CWF19L1: variants seen among roughly 807,000 people sequenced by gnomAD.
The protein encoded by CWF19L1 is CWF19 like cell cycle control factor 1.
In CWF19L1, 60 loss-of-function variants were observed where a neutral mutation model predicts 69.7. The observed-to-expected ratio is 0.86, with a 90% CI of 0.70 to 1.07. CWF19L1 has a LOEUF of 1.07. Among genes scored for constraint, CWF19L1 ranks in the 50% least tolerant of loss-of-function variants. The pLI is 0.00. For synonymous variants in CWF19L1, 209 were observed against 222.2 expected (o/e 0.94, Z 0.53); for missense variants, 591 against 638.9 (o/e 0.92, Z 0.81).
At chr10:100,253,310 GTAA>G (rs2134306912) in intron 6 of CWF19L1, 108 bp downstream of exon 6, 1 of 660,478 alleles carries the variant, frequency 1.5e-6, no homozygotes, top group Admixed American at 2.5e-5. Flanking sequence ...CAGTGTCTGA[GTAA>G]CCAAATGGAA....
intron 12 of CWF19L1, among the ~76,000 whole-genome samples, 156 bp downstream of exon 12, chr10:100,236,694 C>T (rs1449725577): frequency 2.0e-5 from 3 of 152,164 alleles, no homozygotes; most frequent in Admixed American, 6.5e-5. Context: ...CACTTGAACC[C>T]GGAAGGCGGA....
chr10:100,237,232 A>G, intron 11 of CWF19L1: 1 of 654,410 alleles, frequency 1.5e-6, no homozygotes, highest in Non-Finnish European at 2.9e-6. Context: ...CATCTCCGAT[A>G]TTATATATGT....
intron 1 of CWF19L1, among the ~76,000 whole-genome samples, chr10:100,266,863 GTT>G (rs1847610897): frequency 6.9e-6 from 1 of 145,670 alleles, no homozygotes; most frequent in African/African-American, 2.6e-5. Flanking sequence ...GTTTTGTTTT[GTT>G]TTGAGAGTCT....
intron 1 of CWF19L1, among the ~76,000 whole-genome samples, chr10:100,266,009 T>C (rs1847568463): frequency 6.6e-6 from 1 of 152,230 alleles, no homozygotes; most frequent in African/African-American, 2.4e-5. Flanking sequence ...CGAAATCGCC[T>C]ACCAACTCAT....
chr10:100,253,374 C>A (rs1282640082), intron 6 of CWF19L1, 47 bp downstream of exon 6: 3 of 1,117,320 alleles, frequency 2.7e-6, no homozygotes, highest in Non-Finnish European at 4.1e-6. Context: ...TACAGAAGAT[C>A]CATGGCAAAT....
chr10:100,237,991 C>T (rs1846503369), intron 11 of CWF19L1, 31 bp downstream of exon 11: 4 of 1,597,538 alleles, frequency 2.5e-6, no homozygotes, highest in East Asian at 4.5e-5. Flanking sequence ...CCCATAGCGC[C>T]CTTCCAAGTT....
chr10:100,237,015 G>A (rs1302434944), intron 11 of CWF19L1, 46 bp from the exon 12 acceptor site: 9 of 1,542,548 alleles, frequency 5.8e-6, no homozygotes, highest in Non-Finnish European at 7.9e-6. Flanking sequence ...AGGTCCCAGA[G>A]AAGTTGTGCC....
intron 7 of CWF19L1, chr10:100,248,819 TG>T: frequency 7.2e-7 from 1 of 1,398,300 alleles, no homozygotes. Flanking sequence ...GCCAAACAGG[TG>T]GCTCAGCGGG....
chr10:100,260,371 A>G (rs775651795), intron 3 of CWF19L1, 52 bp from the exon 4 acceptor site: 23 of 974,464 alleles, frequency 2.4e-5, no homozygotes, highest in Middle Eastern at 4.4e-4. Flanking sequence ...CTGCTTTAGA[A>G]CTTAAGATAT....
rs569628111 is a variant in CWF19L1, at chr10:100,261,982, A to G, written c.105T>C (p.Phe35=). Residue 35 remains phenylalanine, a synonymous_variant, in exon 2 of 14, where the codon TTT becomes TTC. Coordinates refer to ENST00000354105, the MANE Select transcript of CWF19L1 (RefSeq NM_018294.6). ...TCAGTAAAAACAAACATCTTACATC[A>G]AAGTTTCCACTTTTCTTCTGAATTG... is the stretch of plus-strand genomic sequence containing the variant. ...VQAIQKKSGN[F]DLLLCVGNFF... 1.3e-6 allele frequency: 2 copies of G among 1,596,114 alleles called. No homozygotes were observed. Among genetic ancestry groups the G allele is most frequent in the East Asian group, 2.2e-5 (1 of 44,528 alleles).
intron 7 of CWF19L1, among the ~76,000 whole-genome samples, chr10:100,247,859 A>G (rs1434039831): frequency 6.6e-6 from 1 of 152,048 alleles, no homozygotes; most frequent in Admixed American, 6.6e-5. Flanking sequence ...TCGTGCCACT[A>G]CACTCCAGCC....
In CWF19L1 at chr10:100,232,864, G is replaced by T. The variant is rs1846321095; in HGVS notation, c.*363C>A. The T allele has an allele frequency of 6.3e-6, 1 of 158,018 alleles. No individual in the cohort carries two copies. Among genetic ancestry groups the T allele is most frequent in the South Asian group, 2.0e-4 (1 of 5,022 alleles). The allele number at this position is 158,018 out of a possible 1,614,324, so 9.8% of individuals were successfully genotyped here. A position where few individuals can be genotyped will look rare whatever the true frequency, so the allele number is the denominator to read the frequency against. On this transcript the variant is annotated 3_prime_UTR_variant, in exon 14 of 14. Coordinates refer to ENST00000354105, the MANE Select transcript of CWF19L1 (RefSeq NM_018294.6). ...AGTTTCTTTAAAAATAGGCTTCTAG[G>T]CCAGGAATGGTGTCTCATGCTTGTA...
chr10:100,243,641 GT>G, intron 10 of CWF19L1, 56 bp downstream of exon 10: 2 of 1,421,764 alleles, frequency 1.4e-6, no homozygotes, highest in Non-Finnish European at 2.0e-6. Flanking sequence ...CCTCAATAAA[GT>G]TAATAAAAAA....
intron 12 of CWF19L1, among the ~76,000 whole-genome samples, chr10:100,236,101 CTT>C (rs781285945): frequency 5.2e-4 from 68 of 131,290 alleles, no homozygotes; most frequent in Admixed American, 5.4e-4. Context: ...TCCACTGCCT[CTT>C]TTTTTTTTTT....
At chr10:100,260,717 T>C (rs1321736286) in intron 3 of CWF19L1, among the ~76,000 whole-genome samples, 2 of 152,124 alleles carry the variant, frequency 1.3e-5, no homozygotes, top group Admixed American at 1.3e-4. Flanking sequence ...GACACACGGT[T>C]TCACCATGTT....
At chr10:100,249,223 AT>A (rs976353692) in intron 7 of CWF19L1, 2 of 257,292 alleles carry the variant, frequency 7.8e-6, no homozygotes, top group Admixed American at 9.7e-5. Flanking sequence ...ATCACTTCAG[AT>A]CCGCCCCCTC....
At chr10:100,261,663 C>T (rs940528108) in intron 2 of CWF19L1, among the ~76,000 whole-genome samples, 1 of 152,218 alleles carries the variant, frequency 6.6e-6, no homozygotes, top group Non-Finnish European at 1.5e-5. Context: ...ATCCTCATCA[C>T]ATTCATGAAA....
intron 12 of CWF19L1, among the ~76,000 whole-genome samples, chr10:100,236,324 G>A (rs1421380768): frequency 6.6e-6 from 1 of 151,866 alleles, no homozygotes; most frequent in Non-Finnish European, 1.5e-5. Flanking sequence ...GCCCAGGCTG[G>A]TATCAAACTC....
In CWF19L1 at chr10:100,233,058, G is replaced by A; in HGVS notation, c.*169C>T. 1.8e-6 allele frequency: 1 copy of A among 541,916 alleles called. No homozygotes were observed. The allele number at this position is 541,916 out of a possible 1,614,324, so 33.6% of individuals were successfully genotyped here. On this transcript the variant is annotated 3_prime_UTR_variant, in exon 14 of 14. Coordinates refer to ENST00000354105, the MANE Select transcript of CWF19L1 (RefSeq NM_018294.6). Reference sequence around the variant, plus strand: ...AGCTACTCATGAGGCTGAGGTGGGAGGAACTCTAGAGCCCAGGAGGTTGAG... The same window carrying A: ...AGCTACTCATGAGGCTGAGGTGGGAAGAACTCTAGAGCCCAGGAGGTTGAG...
Sources: gnomAD v4.1 joint callset for allele counts (sites outside exome capture counted in the v4.1 genomes callset) on GRCh38, gnomAD v4.1.1 for gene constraint, MANE v1.5 for transcripts, NCBI Gene and HGNC (gene_info 2026-07-23, HGNC 2026-07-21) for gene names.